The following NSMCE1 variants were observed in gnomAD, a reference collection of about 807,000 sequenced individuals.
The protein encoded by NSMCE1 is non-structural maintenance of chromosomes element 1 homolog.
Under a neutral mutation model 29.6 loss-of-function variants are expected in NSMCE1, and 18 were observed. The ratio of observed to expected loss-of-function variants is 0.61; its 90% CI spans 0.42 to 0.90. NSMCE1 has a LOEUF of 0.90. NSMCE1 is among the 40% of genes least tolerant of loss of function. The pLI is 0.00. For missense variants in NSMCE1, 314 were observed against 343.6 expected (o/e 0.91, Z 0.68); for synonymous variants, 124 against 133.4 (o/e 0.93, Z 0.49).
intron 3 of NSMCE1, among the ~76,000 whole-genome samples, chr16:27,234,821 G>A (rs1445689886): frequency 2.0e-5 from 3 of 152,176 alleles, no homozygotes; most frequent in African/African-American, 7.2e-5. Flanking sequence ...TTCACTCCTG[G>A]CTCTGCCATT....
At chr16:27,265,536 A>G (rs2141013702) in intron 1 of NSMCE1, among the ~76,000 whole-genome samples, 1 of 152,234 alleles carries the variant, frequency 6.6e-6, no homozygotes, top group African/African-American at 2.4e-5. Context: ...ATCCCCCGAA[A>G]TCTACTATTA....
At chr16:27,263,589 C>T (rs11074849) in intron 1 of NSMCE1, among the ~76,000 whole-genome samples, 64,902 of 151,930 alleles carry the variant, frequency 0.43, 15,324 homozygotes, top group African/African-American at 0.63. Context: ...ATATAACTAT[C>T]GGGTACTGGA....
rs147863163 is a variant in NSMCE1 at position 27,247,615 on chromosome 16, G to A, written c.136+9820C>T. Reference sequence around the variant, plus strand: ...CTGTCATTACAGTCAGGTACGCATTGTCTAGAATTTCACATAAATGCCTTC... The same window carrying A: ...CTGTCATTACAGTCAGGTACGCATTATCTAGAATTTCACATAAATGCCTTC... On this transcript the variant is annotated intron_variant, in intron 2 of 7. Coordinates refer to ENST00000361439, the MANE Select transcript of NSMCE1 (RefSeq NM_145080.4). Among the ~76,000 whole-genome samples, 635 of 152,220 alleles carry A rather than the reference G, an allele frequency of 4.2e-3. 3 individuals carry two copies. The highest frequency in any genetic ancestry group is 7.2e-3 in the Non-Finnish European group (493 of 68,008).
At chr16:27,246,551 C>T (rs1010686691) in intron 2 of NSMCE1, among the ~76,000 whole-genome samples, 1 of 152,208 alleles carries the variant, frequency 6.6e-6, no homozygotes, top group African/African-American at 2.4e-5. Context: ...AGTGCACTGG[C>T]ATGATCTTGG....
chr16:27,238,602 C>T (rs1167225541), intron 2 of NSMCE1, among the ~76,000 whole-genome samples: 1 of 151,318 alleles, frequency 6.6e-6, no homozygotes, highest in Non-Finnish European at 1.5e-5. Flanking sequence ...GAGAATAATT[C>T]CAGGTATGAT....
At chr16:27,267,680 T>C (rs2084241781) in intron 1 of NSMCE1, among the ~76,000 whole-genome samples, 1 of 151,768 alleles carries the variant, frequency 6.6e-6, no homozygotes, top group Non-Finnish European at 1.5e-5. Flanking sequence ...AAACTTGACC[T>C]GACTTAAGGT....
chr16:27,245,928 A>G (rs1179791258), intron 2 of NSMCE1, among the ~76,000 whole-genome samples: 1 of 152,206 alleles, frequency 6.6e-6, no homozygotes, highest in African/African-American at 2.4e-5. Context: ...TCTTCCTTGG[A>G]AAGAGAAGGT....
intron 4 of NSMCE1, 142 bp downstream of exon 4, chr16:27,234,046 T>C: frequency 3.1e-6 from 2 of 648,546 alleles, no homozygotes; most frequent in South Asian, 1.8e-5. Flanking sequence ...GACATCTCCC[T>C]GCAAAGCCTT....
At chr16:27,252,366 C>A (rs574539876) in intron 2 of NSMCE1, among the ~76,000 whole-genome samples, 2 of 152,284 alleles carry the variant, frequency 1.3e-5, no homozygotes, top group Admixed American at 6.5e-5. Flanking sequence ...TCCATAGAAA[C>A]CCAGGAATGG....
rs991982968 is a variant in NSMCE1 at position 27,232,731 on chromosome 16, T to C, written c.483+270A>G. Among the ~76,000 whole-genome samples, 1 of 152,240 alleles carries C rather than the reference T, an allele frequency of 6.6e-6. No individual in the cohort carries two copies. Among genetic ancestry groups the C allele is most frequent in the African/African-American group, 2.4e-5 (1 of 41,464 alleles). On this transcript the variant is annotated intron_variant, in intron 5 of 7. Coordinates refer to ENST00000361439, the MANE Select transcript of NSMCE1 (RefSeq NM_145080.4). The surrounding 1 kb of genome is among the most constrained non-coding windows in gnomAD (Gnocchi z 4.5). ...AGTCTGTGGGCTAGAGCCTTGATCC[T>C]GGGGCCCAAGTCCCTGGGCGCGGCT...
At chr16:27,226,587 C>G in intron 6 of NSMCE1, 133 bp downstream of exon 6, 1 of 628,060 alleles carries the variant, frequency 1.6e-6, no homozygotes, top group East Asian at 2.8e-5. Context: ...ATGGCCTCCG[C>G]CAGCTCTTGT....
chr16:27,227,048 G>A (rs1224874295), intron 5 of NSMCE1, among the ~76,000 whole-genome samples: 1 of 152,230 alleles, frequency 6.6e-6, no homozygotes, highest in Non-Finnish European at 1.5e-5. Context: ...ACATGGAGGC[G>A]TGGCTCCCTG....
At chr16:27,243,628 A>G (rs2083918725) in intron 2 of NSMCE1, among the ~76,000 whole-genome samples, 1 of 152,218 alleles carries the variant, frequency 6.6e-6, no homozygotes, top group African/African-American at 2.4e-5. Flanking sequence ...AGGCAGGATC[A>G]GTAACTGATA....
At chr16:27,259,040 C>T (rs1168123257) in intron 1 of NSMCE1, among the ~76,000 whole-genome samples, 4 of 152,158 alleles carry the variant, frequency 2.6e-5, no homozygotes, top group Non-Finnish European at 2.9e-5. Flanking sequence ...TGAGCCACCA[C>T]GCCCAGCCAG....
chr16:27,257,632 C>T (rs547141112), intron 1 of NSMCE1, 51 bp from the exon 2 acceptor site: 52 of 1,455,730 alleles, frequency 3.6e-5, no homozygotes, highest in East Asian at 1.4e-4. Context: ...TCAGAAGCAA[C>T]GTCCTGGGTC....
chr16:27,265,161 CT>C (rs5816427), intron 1 of NSMCE1, among the ~76,000 whole-genome samples: 2,009 of 82,670 alleles, frequency 0.024, 20 homozygotes, highest in African/African-American at 0.088. Flanking sequence ...AATTCTTTTC[CT>C]TTTTTTTTTT....
At chr16:27,248,165 C>T (rs1398557494) in intron 2 of NSMCE1, among the ~76,000 whole-genome samples, 1 of 152,134 alleles carries the variant, frequency 6.6e-6, no homozygotes, top group African/African-American at 2.4e-5. Flanking sequence ...TATCTCTGCA[C>T]AAGCCTTTGT....
chr16:27,268,441 T>A (rs1464900601), intron 1 of NSMCE1: 4 of 152,234 alleles, frequency 2.6e-5, no homozygotes, highest in Admixed American at 1.3e-4. Context: ...TTTCACTAAA[T>A]AGTAAGATTT....
intron 2 of NSMCE1, among the ~76,000 whole-genome samples, chr16:27,248,185 T>C (rs910474087): frequency 2.6e-5 from 4 of 152,174 alleles, no homozygotes; most frequent in African/African-American, 9.6e-5. Flanking sequence ...TGCGGGCATA[T>C]AGCTTCATAT....
Sources: allele counts gnomAD v4.1 joint callset (sites outside exome capture counted in the v4.1 genomes callset), GRCh38; gene constraint gnomAD v4.1.1; non-coding constraint Gnocchi (gnomAD v3.1); transcripts MANE v1.5; gene names NCBI Gene and HGNC (gene_info 2026-07-23, HGNC 2026-07-21).